RNF7: variants seen among roughly 807,000 people sequenced by gnomAD.
The protein encoded by RNF7 is RING-box protein 2.
Under a neutral mutation model 17.0 loss-of-function variants are expected in RNF7, and 9 were observed. The ratio of observed to expected loss-of-function variants is 0.53; its 90% CI spans 0.32 to 0.92. The LOEUF (loss-of-function observed/expected upper bound fraction) is 0.92. RNF7 is among the 40% of genes least tolerant of loss of function. The pLI, the probability that RNF7 is intolerant of heterozygous loss-of-function variation, is 0.04. For missense variants in RNF7, 87 were observed against 145.8 expected (o/e 0.60, Z 2.08); for synonymous variants, 59 against 50.5 (o/e 1.17, Z -0.72).
chr3:141,739,670 C>T (rs544522697), intron 1 of RNF7, among the ~76,000 whole-genome samples: 1 of 152,264 alleles, frequency 6.6e-6, no homozygotes, highest in African/African-American at 2.4e-5. Context: ...CAAGAGATTT[C>T]GCAGTTTATG....
chr3:141,742,508 G>C, intron 1 of RNF7: 2 of 695,844 alleles, frequency 2.9e-6, no homozygotes, highest in South Asian at 1.8e-5. Flanking sequence ...TTACAGGCGA[G>C]CATTTTCTTA....
intron 1 of RNF7, 22 bp from the exon 2 acceptor site, chr3:141,743,487 A>G: frequency 1.2e-6 from 2 of 1,600,394 alleles, no homozygotes; most frequent in African/African-American, 1.3e-5. Flanking sequence ...CAGAATGAGA[A>G]TCGCTATTTG....
intron 1 of RNF7, among the ~76,000 whole-genome samples, chr3:141,740,818 A>G (rs750436978): frequency 3.9e-5 from 6 of 152,150 alleles, no homozygotes; most frequent in Non-Finnish European, 8.8e-5. Flanking sequence ...TATAAGTGTA[A>G]TTTAGAGATT....
chr3:141,742,473 G>T (rs978160105), intron 1 of RNF7, among the ~76,000 whole-genome samples: 1 of 151,868 alleles, frequency 6.6e-6, no homozygotes, highest in African/African-American at 2.4e-5. Flanking sequence ...TGATCCGCCC[G>T]CCTCAGCCTC....
intron 1 of RNF7, among the ~76,000 whole-genome samples, chr3:141,740,819 T>G (rs1443134666): frequency 6.6e-6 from 1 of 152,202 alleles, no homozygotes; most frequent in African/African-American, 2.4e-5. Context: ...ATAAGTGTAA[T>G]TTAGAGATTC....
Position 141,743,513 on chromosome 3 carries a change from C to T in RNF7, c.180C>T (p.Ala60=), listed in dbSNP as rs769207815. The T allele has an allele frequency of 3.7e-6, 6 of 1,608,928 alleles. No homozygotes were observed. Among genetic ancestry groups the T allele is most frequent in the Non-Finnish European group, 4.2e-6 (5 of 1,178,134 alleles). Residue 60 remains alanine (A), a synonymous_variant, in exon 2 of 3, where the codon GCC becomes GCT. Coordinates refer to ENST00000273480, the MANE Select transcript of RNF7 (RefSeq NM_014245.5). The stretch of plus-strand genomic sequence containing the variant: ...TCGCTATTTGTTTACTTTTAGATGC[C>T]TGTCTTAGATGTCAAGCTGAAAACA... ...CAICRVQVMD[A]CLRCQAENKQ...
Position 141,738,378 on chromosome 3 carries a change from C to G in RNF7, c.37C>G (p.Leu13Val). ...GGAAGACGGAGAGGAAACCTGCGCCCTGGCCTCTCACTCCGGGAGCTCAGG... is the reference window on the plus strand; with the variant it reads ...GGAAGACGGAGAGGAAACCTGCGCCGTGGCCTCTCACTCCGGGAGCTCAGG... Reference protein sequence around the residue: ...DVEDGEETCALASHSGSSGSK... With the variant: ...DVEDGEETCAVASHSGSSGSK... The change falls in exon 1 of 3, where the codon CTG becomes GTG. Residue 13 changes from leucine to valine, a missense_variant. Physicochemically the swap from Leu to Val is conservative, Grantham distance 32 (BLOSUM62 1). Coordinates refer to ENST00000273480, the MANE Select transcript of RNF7 (RefSeq NM_014245.5). The G allele has an allele frequency of 2.5e-6, 4 of 1,594,810 alleles. No homozygotes were observed. The highest frequency in any genetic ancestry group is 2.6e-6 in the Non-Finnish European group (3 of 1,171,124).
chr3:141,743,728 C>T (rs1577900466), intron 2 of RNF7, among the ~76,000 whole-genome samples, 172 bp downstream of exon 2: 1 of 152,184 alleles, frequency 6.6e-6, no homozygotes, highest in East Asian at 1.9e-4. Context: ...ATGGAATGAA[C>T]CTGCAAGTCC....
chr3:141,743,926 A>G (rs192875746), intron 2 of RNF7, among the ~76,000 whole-genome samples: 8 of 152,320 alleles, frequency 5.3e-5, no homozygotes, highest in South Asian at 2.1e-4. Context: ...TCACTTTTCA[A>G]TACTCTTATA....
intron 1 of RNF7, 34 bp from the exon 2 acceptor site, chr3:141,743,475 A>G: frequency 6.4e-7 from 1 of 1,569,460 alleles, no homozygotes. Context: ...CATTCTGAGC[A>G]TCAGAATGAG....
At chr3:141,740,790 G>C (rs1478170280) in intron 1 of RNF7, among the ~76,000 whole-genome samples, 1 of 152,060 alleles carries the variant, frequency 6.6e-6, no homozygotes, top group Admixed American at 6.5e-5. Context: ...GGTCAGTTTT[G>C]ATAATCTACA....
chr3:141,744,650 C>T (rs2084454305), intron 2 of RNF7, among the ~76,000 whole-genome samples: 1 of 152,214 alleles, frequency 6.6e-6, no homozygotes, highest in South Asian at 2.1e-4. Context: ...GGTGACTTAA[C>T]ACAATTCATC....
At chr3:141,743,900 G>C (rs1304975897) in intron 2 of RNF7, among the ~76,000 whole-genome samples, 1 of 152,032 alleles carries the variant, frequency 6.6e-6, no homozygotes, top group East Asian at 1.9e-4. Context: ...GTCACTTTTG[G>C]TTCTAATAAG....
At chr3:141,742,380 C>T (rs893243683) in intron 1 of RNF7, among the ~76,000 whole-genome samples, 1 of 151,980 alleles carries the variant, frequency 6.6e-6, no homozygotes, top group African/African-American at 2.4e-5. Context: ...GCGCCCACCA[C>T]CACGCCCGGC....
At chr3:141,741,071 C>T (rs180793426) in intron 1 of RNF7, among the ~76,000 whole-genome samples, 105 of 152,272 alleles carry the variant, frequency 6.9e-4, no homozygotes, top group African/African-American at 2.5e-3. Context: ...TTATAATAGC[C>T]AGAGTAACCC....
chr3:141,746,253 A>C lies in RNF7; in HGVS notation c.*976A>C, dbSNP rs2084472004. ...CAGCCTCCCAAAGTGCTGGGATTAC[A>C]GGTGTGGGCCACTGCACCTGGCCCA... On this transcript the variant is annotated 3_prime_UTR_variant, in exon 3 of 3. Transcript: ENST00000273480. 1 of 152,170 alleles carries C rather than the reference A, an allele frequency of 6.6e-6. No individual in the cohort carries two copies. Among genetic ancestry groups the C allele is most frequent in the African/African-American group, 2.4e-5 (1 of 41,450 alleles). The allele number at this position is 152,170 out of a possible 1,614,324, so 9.4% of individuals were successfully genotyped here.
rs778827653 is a variant in RNF7, at chr3:141,742,638, T to A, written c.176-871T>A. Reference sequence around the variant, plus strand: ...AATACCTCACAGTATTGTCCCTTTTTTACAGATGAGGGAATTGGAGTTCGT... The same window carrying A: ...AATACCTCACAGTATTGTCCCTTTTATACAGATGAGGGAATTGGAGTTCGT... On this transcript the variant is annotated intron_variant, in intron 1 of 2. Coordinates refer to ENST00000273480, the MANE Select transcript of RNF7 (RefSeq NM_014245.5). The A allele has an allele frequency of 3.4e-6, 4 of 1,164,896 alleles. No homozygotes were observed. In the African/African-American group the frequency reaches 6.3e-5, roughly 18 times the overall value. The allele number at this position is 1,164,896 out of a possible 1,614,324, so 72.2% of individuals were successfully genotyped here.
chr3:141,743,119 A>T (rs969895230), intron 1 of RNF7: 211 of 186,076 alleles, frequency 1.1e-3, no homozygotes, highest in African/African-American at 4.6e-3. Context: ...GTATAAACAA[A>T]TGCTAACATA....
intron 1 of RNF7, chr3:141,742,808 A>C: frequency 8.3e-7 from 1 of 1,207,642 alleles, no homozygotes; most frequent in Non-Finnish European, 1.0e-6. Context: ...ACCTATTGGA[A>C]GCATACAAAG....
Sources: allele counts gnomAD v4.1 joint callset (sites outside exome capture counted in the v4.1 genomes callset), GRCh38; gene constraint gnomAD v4.1.1; transcripts MANE v1.5; gene names NCBI Gene and HGNC (gene_info 2026-07-23, HGNC 2026-07-21).